The following GRID2 variants were observed in gnomAD, a reference collection of about 807,000 sequenced individuals.
The protein encoded by GRID2 is glutamate receptor ionotropic, delta-2.
GRID2 carries 33 observed loss-of-function variants against 114.8 expected under a neutral mutation model. The observed-to-expected ratio is 0.29, with a 90% CI of 0.22 to 0.38. The LOEUF (loss-of-function observed/expected upper bound fraction) is 0.38, where lower values mean the gene tolerates loss of function less well. GRID2 is among the 10% of genes least tolerant of loss of function. The pLI is 1.00. For synonymous variants in GRID2, 505 were observed against 449.9 expected (o/e 1.12, Z -1.55); for missense variants, 1,184 against 1,257.7 (o/e 0.94, Z 0.89).
At chr4:92,691,257 T>G (rs75995740) in intron 2 of GRID2, among the ~76,000 whole-genome samples, 2 of 152,148 alleles carry the variant, frequency 1.3e-5, no homozygotes, top group Non-Finnish European at 2.9e-5. Context: ...TATGGTACTT[T>G]GCTGAACCTT....
intron 3 of GRID2, among the ~76,000 whole-genome samples, chr4:93,102,293 A>G (rs1009045991): frequency 2.0e-5 from 3 of 152,190 alleles, no homozygotes; most frequent in African/African-American, 7.2e-5. Context: ...TTCACATTTC[A>G]GTCTTCACTG....
In GRID2 at chr4:93,091,424, C is replaced by T. The variant is rs1014105767; in HGVS notation, c.529+6145C>T. Among the ~76,000 whole-genome samples the T allele has an allele frequency of 7.7e-4, 117 of 152,230 alleles. 1 individual carries two copies. The highest frequency in any genetic ancestry group is 2.8e-3 in the African/African-American group (116 of 41,560). ...CCAACAGTCAGTGAAGTTTAAGACA[C>T]TTATCCTAGTTTGGATGTTCTGTAC... On this transcript the variant is annotated intron_variant, in intron 3 of 15. Transcript: ENST00000282020.
At chr4:92,861,055 T>TA (rs1258763185) in intron 2 of GRID2, among the ~76,000 whole-genome samples, 1 of 152,120 alleles carries the variant, frequency 6.6e-6, no homozygotes, top group African/African-American at 2.4e-5. Flanking sequence ...CTTCCTTACT[T>TA]ATTAATCCTA....
chr4:92,369,132 A>G (rs1729002989), intron 1 of GRID2, among the ~76,000 whole-genome samples: 1 of 152,060 alleles, frequency 6.6e-6, no homozygotes, highest in Non-Finnish European at 1.5e-5. Flanking sequence ...ATACTTCACA[A>G]AAATATAGCT....
At chr4:92,340,452 T>A (rs765814848) in intron 1 of GRID2, among the ~76,000 whole-genome samples, 1 of 152,174 alleles carries the variant, frequency 6.6e-6, no homozygotes, top group Non-Finnish European at 1.5e-5. Flanking sequence ...CTTGCTTAAT[T>A]TCCAGTTCAC....
At chr4:92,452,877 T>G (rs1721007119) in intron 1 of GRID2, among the ~76,000 whole-genome samples, 1 of 148,450 alleles carries the variant, frequency 6.7e-6, no homozygotes, top group African/African-American at 2.5e-5. Flanking sequence ...TTTTTTACCA[T>G]ATATATATAT....
intron 2 of GRID2, among the ~76,000 whole-genome samples, chr4:92,890,926 T>G (rs1578399645): frequency 6.6e-6 from 1 of 152,292 alleles, no homozygotes; most frequent in South Asian, 2.1e-4. Context: ...TGGAATACTA[T>G]GCAGCCATAA....
At chr4:92,665,768 G>A (rs1732741515) in intron 2 of GRID2, among the ~76,000 whole-genome samples, 1 of 150,728 alleles carries the variant, frequency 6.6e-6, no homozygotes, top group South Asian at 2.1e-4. Context: ...CTAGACTGCA[G>A]TTTCTGATGA....
chr4:93,387,175 T>A (rs1764399794), intron 8 of GRID2, among the ~76,000 whole-genome samples: 2 of 152,190 alleles, frequency 1.3e-5, no homozygotes, highest in African/African-American at 4.8e-5. Context: ...TTCATTTGTA[T>A]GTTGGTGGTT....
At chr4:92,530,662 G>A (rs1476594334) in intron 1 of GRID2, among the ~76,000 whole-genome samples, 2 of 151,224 alleles carry the variant, frequency 1.3e-5, no homozygotes, top group African/African-American at 4.9e-5. Context: ...AGTACATTGG[G>A]AGGCCAAGGC....
Position 92,439,516 on chromosome 4 carries a change from G to A in GRID2, c.88+134772G>A, listed in dbSNP as rs879042704. On this transcript the variant is annotated intron_variant, in intron 1 of 15. Coordinates refer to ENST00000282020, the MANE Select transcript of GRID2 (RefSeq NM_001510.4). ...AGAGAGAATGGGCGATGTTTCTCAG[G>A]GCTGCTTCAAGCGGGATTAGGGGCG... 5.3e-5 allele frequency among the ~76,000 whole-genome samples: 8 copies of A among 151,984 alleles called. No individual in the cohort carries two copies. The East Asian group carries it at 1.6e-3, about 29-fold the overall frequency.
At chr4:92,449,675 TGATA>T (rs997853083) in intron 1 of GRID2, among the ~76,000 whole-genome samples, 20 of 43,006 alleles carry the variant, frequency 4.7e-4, no homozygotes, top group African/African-American at 1.8e-3. Flanking sequence ...CTTTTCTTAC[TGATA>T]TATATATATA....
chr4:92,611,706 G>T (rs62307882), intron 2 of GRID2, among the ~76,000 whole-genome samples: 2 of 151,430 alleles, frequency 1.3e-5, no homozygotes, highest in African/African-American at 2.4e-5. Context: ...TGTAAAATAC[G>T]TGAAGTGGTA....
intron 1 of GRID2, among the ~76,000 whole-genome samples, chr4:92,440,982 A>T (rs1229076333): frequency 6.6e-6 from 1 of 152,030 alleles, no homozygotes; most frequent in African/African-American, 2.4e-5. Flanking sequence ...TGAGAACTGT[A>T]GAGAGTGAGT....
intron 4 of GRID2, among the ~76,000 whole-genome samples, chr4:93,171,764 G>T (rs1738845312): frequency 6.6e-6 from 1 of 152,146 alleles, no homozygotes; most frequent in Non-Finnish European, 1.5e-5. Flanking sequence ...AAGAAATAAT[G>T]CTCAGTATCG....
At chr4:93,401,260 T>G (rs1765858325) in intron 9 of GRID2, among the ~76,000 whole-genome samples, 1 of 152,086 alleles carries the variant, frequency 6.6e-6, no homozygotes, top group African/African-American at 2.4e-5. Flanking sequence ...ATATATAAAT[T>G]GAATTCATAT....
chr4:92,555,134 G>A (rs984833459), intron 1 of GRID2, among the ~76,000 whole-genome samples: 9 of 152,072 alleles, frequency 5.9e-5, no homozygotes, highest in African/African-American at 1.7e-4. Flanking sequence ...AATAAAAGAG[G>A]TTCTTGAATG....
chr4:92,999,088 A>AT (rs138182527), intron 2 of GRID2, among the ~76,000 whole-genome samples: 1 of 151,704 alleles, frequency 6.6e-6, no homozygotes, highest in Non-Finnish European at 1.5e-5. Flanking sequence ...TTAATGTACT[A>AT]TTTTTTTCCA....
rs1310947128 is a variant in GRID2, at chr4:93,417,662, T to C, written c.1348-5109T>C. Among the ~76,000 whole-genome samples the C allele has an allele frequency of 2.6e-5, 4 of 151,966 alleles. No homozygotes were observed. In the East Asian group the frequency reaches 7.7e-4, roughly 29 times the overall value. ...GCTACGTGTGAATTCTTAAATAATA[T>C]GGTCAATTTACCCATTTTTGAATGT... On this transcript the variant is annotated intron_variant, in intron 9 of 15. Coordinates refer to ENST00000282020, the MANE Select transcript of GRID2 (RefSeq NM_001510.4).
Sources: allele counts gnomAD v4.1 joint callset (sites outside exome capture counted in the v4.1 genomes callset), GRCh38; gene constraint gnomAD v4.1.1; transcripts MANE v1.5; gene names NCBI Gene and HGNC (gene_info 2026-07-23, HGNC 2026-07-21).